Variants in PDSS2 observed in about 807,000 individuals in gnomAD.
PDSS2 encodes the protein decaprenyl diphosphate synthase subunit 2.
A neutral mutation model predicts 44.5 loss-of-function variants in PDSS2; 31 were observed. The ratio of observed to expected loss-of-function variants is 0.70; its 90% CI spans 0.52 to 0.94. PDSS2 has a LOEUF of 0.94. Ranked by LOEUF, PDSS2 falls within the 40% of genes least tolerant of loss-of-function variation. The probability of loss-of-function intolerance (pLI) is 0.00; values close to 1 mark genes in which losing one functional copy is unlikely to be tolerated. For synonymous variants in PDSS2, 157 were observed against 180.3 expected (o/e 0.87, Z 1.03); for missense variants, 452 against 482.2 (o/e 0.94, Z 0.59).
intron 1 of PDSS2, among the ~76,000 whole-genome samples, chr6:107,394,680 C>A (rs927395442): frequency 6.6e-6 from 1 of 152,122 alleles, no homozygotes; most frequent in Non-Finnish European, 1.5e-5. Flanking sequence ...TATAGTATAA[C>A]CTTTTCTGTA....
At chr6:107,318,239 C>T (rs1163515104) in intron 2 of PDSS2, among the ~76,000 whole-genome samples, 1 of 148,106 alleles carries the variant, frequency 6.8e-6, no homozygotes, top group African/African-American at 2.4e-5. Context: ...TCCACTTCTC[C>T]TTGACCGCCC....
Position 107,417,778 on chromosome 6 carries a change from T to TACACAC in PDSS2, c.296+41206_296+41211dup, listed in dbSNP as rs59602150. ...CTATCTTCAAAAAAATTAATAATAA[T>TACACAC]ACACACACACACACACACACACACA... On this transcript the variant is annotated intron_variant, in intron 1 of 7. Transcript: ENST00000369037. 3.2e-3 allele frequency among the ~76,000 whole-genome samples: 467 copies of TACACAC among 147,046 alleles called. 2 individuals are homozygous for TACACAC. The highest frequency in any genetic ancestry group is 7.8e-3 in the African/African-American group (310 of 39,510).
intron 3 of PDSS2, chr6:107,264,052 A>C (rs1309650282): frequency 1.2e-5 from 2 of 169,418 alleles, no homozygotes; most frequent in East Asian, 3.6e-4. Context: ...TAGTGCAAGC[A>C]AAACTATAAA....
At chr6:107,261,912 T>A (rs71574240) in intron 3 of PDSS2, among the ~76,000 whole-genome samples, 10 of 59,044 alleles carry the variant, frequency 1.7e-4, no homozygotes, top group Admixed American at 5.0e-4. Flanking sequence ...CTTTTCTTTT[T>A]TTTTTTTTTT....
At chr6:107,270,040 G>A (rs1250528172) in intron 3 of PDSS2, among the ~76,000 whole-genome samples, 1 of 152,038 alleles carries the variant, frequency 6.6e-6, no homozygotes, top group African/African-American at 2.4e-5. Flanking sequence ...GATTTATAAA[G>A]ATTTCTAAAA....
chr6:107,274,069 G>C lies in PDSS2; in HGVS notation c.590C>G (p.Ala197Gly). Reference sequence around the variant, plus strand: ...CAGAGCTAGTCCATTGCAGGCATTTGCTAGAAGAAAGTCTCCACTCAGGAT... The same window carrying C: ...CAGAGCTAGTCCATTGCAGGCATTTCCTAGAAGAAAGTCTCCACTCAGGAT... Reference protein sequence around the residue: ...IAILSGDFLLANACNGLALLQ... With the variant: ...IAILSGDFLLGNACNGLALLQ... Residue 197 changes from alanine (A) to glycine (G), a missense_variant, in exon 3 of 8, where the codon GCA becomes GGA. Physicochemically the swap from Ala to Gly is moderately conservative, Grantham distance 60. Transcript: ENST00000369037. 1 of 1,614,090 alleles carries C rather than the reference G, an allele frequency of 6.2e-7. No homozygotes were observed. The highest frequency in any genetic ancestry group is 8.5e-7 in the Non-Finnish European group (1 of 1,179,958).
intron 3 of PDSS2, among the ~76,000 whole-genome samples, chr6:107,268,135 G>C (rs1775471916): frequency 6.6e-6 from 1 of 152,058 alleles, no homozygotes; most frequent in South Asian, 2.1e-4. Context: ...CTGGATCCAT[G>C]ATGACCTACA....
chr6:107,198,724 G>A (rs1485522494), intron 6 of PDSS2, among the ~76,000 whole-genome samples: 1 of 152,122 alleles, frequency 6.6e-6, no homozygotes, highest in Non-Finnish European at 1.5e-5. Flanking sequence ...GGGAGACCAA[G>A]GCGGGCAGAT....
At position 107,429,902 on chromosome 6, in the gene PDSS2, ATATATATATAT is replaced by A. The variant is rs1223527935; in HGVS notation, c.296+29077_296+29087del. On this transcript the variant is annotated intron_variant, in intron 1 of 7. Coordinates refer to ENST00000369037, the MANE Select transcript of PDSS2 (RefSeq NM_020381.4). ...TTAGTCTCAAAAAAAAAAAAAAAAA[ATATATATATAT>A]ATATATATATATATATATATATATA... Among the ~76,000 whole-genome samples, 27 of 44,662 alleles carry A rather than the reference ATATATATATAT, an allele frequency of 6.0e-4. 2 individuals carry two copies. The highest frequency in any genetic ancestry group is 1.6e-3 in the African/African-American group (20 of 12,508). 29.3% of individuals were successfully genotyped at this position (44,662 alleles called of 152,430 possible).
At chr6:107,367,390 T>C (rs1313706780) in intron 1 of PDSS2, among the ~76,000 whole-genome samples, 1 of 152,012 alleles carries the variant, frequency 6.6e-6, no homozygotes, top group African/African-American at 2.4e-5. Flanking sequence ...ACCACTAACA[T>C]AAAATGAAAG....
At chr6:107,323,258 T>C (rs1777439466) in intron 2 of PDSS2, among the ~76,000 whole-genome samples, 1 of 152,224 alleles carries the variant, frequency 6.6e-6, no homozygotes, top group African/African-American at 2.4e-5. Context: ...AGACTCTAGA[T>C]GCATACATTG....
At chr6:107,275,925 G>A (rs1775764031) in intron 2 of PDSS2, among the ~76,000 whole-genome samples, 1 of 151,896 alleles carries the variant, frequency 6.6e-6, no homozygotes, top group Non-Finnish European at 1.5e-5. Context: ...ATCAGTTCAG[G>A]CAACATAGTG....
At chr6:107,303,724 C>A (rs2500588) in intron 2 of PDSS2, among the ~76,000 whole-genome samples, 144,006 of 152,230 alleles carry the variant, frequency 0.95, 68,549 homozygotes, top group East Asian at 1. Context: ...CCACTAAAAA[C>A]TATTTAGGTC....
chr6:107,245,025 T>C (rs1180108898), intron 4 of PDSS2, among the ~76,000 whole-genome samples: 1 of 152,180 alleles, frequency 6.6e-6, no homozygotes, highest in Non-Finnish European at 1.5e-5. Flanking sequence ...TCTAGACCTA[T>C]AAAATTAATC....
chr6:107,435,780 C>CA (rs1440625186), intron 1 of PDSS2, among the ~76,000 whole-genome samples: 2 of 152,080 alleles, frequency 1.3e-5, no homozygotes, highest in African/African-American at 2.4e-5. Context: ...TTAGAGTATT[C>CA]ATTAGACCTA....
In PDSS2 at chr6:107,407,454, C is replaced by T. The variant is rs575616439; in HGVS notation, c.296+51536G>A. Among the ~76,000 whole-genome samples the T allele has an allele frequency of 4.6e-5, 7 of 152,188 alleles. No individual in the cohort carries two copies. The East Asian group carries it at 1.4e-3, about 29-fold the overall frequency. On this transcript the variant is annotated intron_variant, in intron 1 of 7. Transcript: ENST00000369037. The stretch of plus-strand genomic sequence containing the variant: ...TGAATTTTATGTTATGTATATTTTA[C>T]CACAACTTTTTAAATGCAAAAAAAC...
intron 2 of PDSS2, among the ~76,000 whole-genome samples, chr6:107,278,024 T>C (rs1485397752): frequency 6.6e-6 from 1 of 151,544 alleles, no homozygotes; most frequent in African/African-American, 2.4e-5. Flanking sequence ...AAATAATATA[T>C]GAGACTCCTC....
chr6:107,245,662 T>C (rs1233821221), intron 3 of PDSS2, 43 bp from the exon 4 acceptor site: 2 of 1,198,700 alleles, frequency 1.7e-6, no homozygotes, highest in Admixed American at 2.0e-5. Flanking sequence ...AATTTAAATA[T>C]ATCTCTATTG....
At chr6:107,404,586 G>A (rs1283602958) in intron 1 of PDSS2, among the ~76,000 whole-genome samples, 1 of 152,186 alleles carries the variant, frequency 6.6e-6, no homozygotes, top group African/African-American at 2.4e-5. Flanking sequence ...GTAAAGGCAC[G>A]TCTTACATAG....
Sources: allele counts gnomAD v4.1 joint callset (sites outside exome capture counted in the v4.1 genomes callset), GRCh38; gene constraint gnomAD v4.1.1; transcripts MANE v1.5; gene names NCBI Gene and HGNC (gene_info 2026-07-23, HGNC 2026-07-21).